The following ITPRID1 variants were observed in gnomAD, a reference collection of about 807,000 sequenced individuals.
ITPRID1 encodes protein ITPRID1.
Under a neutral mutation model 95.4 loss-of-function variants are expected in ITPRID1, and 96 were observed. The observed-to-expected ratio is 1.01, with a 90% CI of 0.85 to 1.19. The LOEUF (loss-of-function observed/expected upper bound fraction) is 1.19. ITPRID1 is among the 50% of genes most tolerant of loss of function. ITPRID1 has a pLI of 0.00. For missense variants in ITPRID1, 1,339 were observed against 1,252.9 expected, an observed-to-expected ratio of 1.07 and a Z score of -1.04; for synonymous variants, 510 against 453.6, an observed-to-expected ratio of 1.12 and a Z score of -1.58.
At chr7:31,554,983 A>G in intron 5 of ITPRID1, 82 bp downstream of exon 5, 1 of 1,042,908 alleles carries the variant, frequency 9.6e-7, no homozygotes, top group Non-Finnish European at 1.4e-6. Flanking sequence ...TCTTCTTAAA[A>G]TGAGCATTAT....
chr7:31,537,027 A>G (rs953183642), intron 1 of ITPRID1, among the ~76,000 whole-genome samples: 3 of 151,910 alleles, frequency 2.0e-5, no homozygotes, highest in African/African-American at 7.3e-5. Context: ...TCACTTAGCT[A>G]TCCTGCTCCC....
chr7:31,642,165 T>C lies in ITPRID1; in HGVS notation c.1229-11T>C. ...CCCTTTAATAACCTCAAGACCTCTTTCATTCTGCAGGTGCCAGGGTGGACA... is the reference window on the plus strand; with the variant it reads ...CCCTTTAATAACCTCAAGACCTCTTCCATTCTGCAGGTGCCAGGGTGGACA... On this transcript the variant is annotated splice_polypyrimidine_tract_variant and intron_variant, in intron 10 of 14. Coordinates refer to ENST00000615280, the MANE Select transcript of ITPRID1 (RefSeq NM_001257967.3). 6.4e-7 allele frequency: 1 copy of C among 1,553,096 alleles called. No individual in the cohort carries two copies. Among genetic ancestry groups the C allele is most frequent in the Non-Finnish European group, 8.7e-7 (1 of 1,148,480 alleles).
At chr7:31,592,024 C>T (rs1272624989) in intron 10 of ITPRID1, among the ~76,000 whole-genome samples, 9 of 152,024 alleles carry the variant, frequency 5.9e-5, no homozygotes, top group Admixed American at 5.2e-4. Flanking sequence ...ATCTCATTAG[C>T]AACATAAAAT....
rs974021444 is a variant in ITPRID1 at position 31,583,397 on chromosome 7, G to A, written c.1228+206G>A. Among the ~76,000 whole-genome samples, 8 of 152,122 alleles carry A rather than the reference G, an allele frequency of 5.3e-5. No individual in the cohort carries two copies. The East Asian group carries it at 5.8e-4, about 11-fold the overall frequency. ...TCTCAGCACTGTGGGAGGCTGAGAC[G>A]TGGGGATCGCCTGAGGTCAGGAGTT... On this transcript the variant is annotated intron_variant, in intron 10 of 14. Transcript: ENST00000615280.
At chr7:31,551,936 G>T (rs1427261736) in intron 2 of ITPRID1, 1 of 418,442 alleles carries the variant, frequency 2.4e-6, no homozygotes, top group African/African-American at 2.0e-5. Flanking sequence ...ATCAGAAAGT[G>T]TGGCTTGAAA....
intron 5 of ITPRID1, among the ~76,000 whole-genome samples, chr7:31,561,720 G>A (rs952546360): frequency 7.2e-5 from 11 of 152,106 alleles, no homozygotes; most frequent in Non-Finnish European, 1.3e-4. Context: ...GTCTGTTCAG[G>A]GCACCTGGAT....
chr7:31,545,832 C>T (rs1784079562), intron 1 of ITPRID1, among the ~76,000 whole-genome samples: 1 of 152,096 alleles, frequency 6.6e-6, no homozygotes, highest in South Asian at 2.1e-4. Flanking sequence ...CTCTACTTCA[C>T]TGAATCATTT....
chr7:31,590,065 C>A (rs1034533225), intron 10 of ITPRID1, among the ~76,000 whole-genome samples: 3 of 151,878 alleles, frequency 2.0e-5, no homozygotes, highest in Non-Finnish European at 4.4e-5. Context: ...TATATATACA[C>A]ACATATATAG....
chr7:31,619,689 G>T (rs574762937), intron 10 of ITPRID1, among the ~76,000 whole-genome samples: 39 of 152,078 alleles, frequency 2.6e-4, no homozygotes, highest in Admixed American at 2.2e-3. Context: ...CGCAGAAGAC[G>T]GGTGATTTCT....
In ITPRID1 at chr7:31,529,521, T is replaced by C. The variant is rs2128129693; in HGVS notation, c.-98+15401T>C. 6.6e-6 allele frequency: 3 copies of C among 454,222 alleles called. No individual in the cohort carries two copies. The East Asian group carries it at 9.7e-5, about 15-fold the overall frequency. The allele number at this position is 454,222 out of a possible 1,614,324, so 28.1% of individuals were successfully genotyped here. On this transcript the variant is annotated intron_variant, in intron 1 of 14. Coordinates refer to ENST00000615280, the MANE Select transcript of ITPRID1 (RefSeq NM_001257967.3). ...TGTTACTAGTAACTCCTGCCATTCC[T>C]AATGACATTTTTACCACTTTCTTTC...
chr7:31,578,606 A>G (rs931382580), intron 9 of ITPRID1, among the ~76,000 whole-genome samples, 172 bp downstream of exon 9: 2 of 152,168 alleles, frequency 1.3e-5, no homozygotes, highest in African/African-American at 4.8e-5. Context: ...TGTTGGAAAT[A>G]AGCTAGTAGG....
At chr7:31,617,112 C>T (rs1023761171) in intron 10 of ITPRID1, among the ~76,000 whole-genome samples, 3 of 152,092 alleles carry the variant, frequency 2.0e-5, no homozygotes, top group East Asian at 1.9e-4. Flanking sequence ...TGGGTGAGCT[C>T]GTCCCGGTAT....
In ITPRID1 at chr7:31,615,620, G is replaced by C. The variant is rs35346230; in HGVS notation, c.1229-26556G>C. ...TAATTTTTTAAAATGGAGATTCTTTGAGTCTTATGAACAATGGTTGTGTAA... is the reference window on the plus strand; with the variant it reads ...TAATTTTTTAAAATGGAGATTCTTTCAGTCTTATGAACAATGGTTGTGTAA... On this transcript the variant is annotated intron_variant, in intron 10 of 14. Coordinates refer to ENST00000615280, the MANE Select transcript of ITPRID1 (RefSeq NM_001257967.3). 8.5e-3 allele frequency among the ~76,000 whole-genome samples: 1,300 copies of C among 152,184 alleles called. 13 individuals are homozygous for C. Among genetic ancestry groups the C allele is most frequent in the Non-Finnish European group, 0.014 (972 of 67,984 alleles).
In ITPRID1 at chr7:31,520,778, A is replaced by C. The variant is rs183844988; in HGVS notation, c.-98+6658A>C. Among the ~76,000 whole-genome samples, 816 of 152,238 alleles carry C rather than the reference A, an allele frequency of 5.4e-3. 11 individuals carry two copies. The highest frequency in any genetic ancestry group is 0.019 in the African/African-American group (778 of 41,544). On this transcript the variant is annotated intron_variant, in intron 1 of 14. Transcript: ENST00000615280. ...GAAATATATGTGTGTATGCTAATCC[A>C]TGTATATACATATACCCATGAAACT...
intron 10 of ITPRID1, among the ~76,000 whole-genome samples, chr7:31,622,115 G>A (rs1440081285): frequency 2.2e-5 from 3 of 137,476 alleles, no homozygotes; most frequent in African/African-American, 8.2e-5. Context: ...CAAGTCCTGA[G>A]TGACCTACAA....
intron 10 of ITPRID1, among the ~76,000 whole-genome samples, chr7:31,630,233 A>G (rs1460013130): frequency 6.0e-5 from 5 of 84,030 alleles, no homozygotes; most frequent in Admixed American, 1.6e-4. Context: ...AAGAAAATAG[A>G]GTCTACTTGG....
chr7:31,657,763 T>A (rs1791367935), downstream of ITPRID1, among the ~76,000 whole-genome samples: 1 of 152,198 alleles, frequency 6.6e-6, no homozygotes, highest in African/African-American at 2.4e-5. Flanking sequence ...ATAAATGGTA[T>A]CATTGTACTA....
At chr7:31,560,475 G>A (rs138073584) in intron 5 of ITPRID1, among the ~76,000 whole-genome samples, 152 of 152,262 alleles carry the variant, frequency 1.0e-3, no homozygotes, top group African/African-American at 3.4e-3. Context: ...GGGTTGAAGC[G>A]GGATCCCAGT....
intron 12 of ITPRID1, among the ~76,000 whole-genome samples, chr7:31,650,139 T>G (rs566052114): frequency 7.9e-5 from 12 of 152,332 alleles, no homozygotes; most frequent in African/African-American, 2.6e-4. Context: ...AAGGAGTGGC[T>G]CTCAGGTCCT....
Sources: gnomAD v4.1 joint callset for allele counts (sites outside exome capture counted in the v4.1 genomes callset) on GRCh38, gnomAD v4.1.1 for gene constraint, MANE v1.5 for transcripts, NCBI Gene and HGNC (gene_info 2026-07-23, HGNC 2026-07-21) for gene names.